The following DRG1 variants were observed in gnomAD, a reference collection of about 807,000 sequenced individuals.
DRG1 encodes developmentally regulated GTP binding protein 1.
A neutral mutation model predicts 38.8 loss-of-function variants in DRG1; 19 were observed. That is an observed-to-expected ratio of 0.49 (90% CI 0.34 to 0.72). The LOEUF (loss-of-function observed/expected upper bound fraction) is 0.72, where lower values mean the gene tolerates loss of function less well. Among genes scored for constraint, DRG1 ranks in the 30% least tolerant of loss-of-function variants. The probability of loss-of-function intolerance (pLI) is 0.01; values close to 1 mark genes in which losing one functional copy is unlikely to be tolerated. For synonymous variants in DRG1, 167 were observed against 157.5 expected (o/e 1.06, Z -0.45); for missense variants, 299 against 444.8 (o/e 0.67, Z 2.95).
chr22:31,418,554 C>T (rs1467581877), intron 4 of DRG1, among the ~76,000 whole-genome samples: 1 of 152,010 alleles, frequency 6.6e-6, no homozygotes, highest in East Asian at 1.9e-4. Context: ...CCCAGGCTGG[C>T]TGGAGTGCAG....
intron 3 of DRG1, among the ~76,000 whole-genome samples, chr22:31,410,261 C>T (rs929324138): frequency 6.6e-6 from 1 of 151,994 alleles, no homozygotes; most frequent in Non-Finnish European, 1.5e-5. Context: ...TTGAGACCAG[C>T]CTGGCCAATA....
intron 3 of DRG1, among the ~76,000 whole-genome samples, chr22:31,405,880 G>T (rs1364569326): frequency 1.3e-5 from 2 of 151,886 alleles, no homozygotes; most frequent in African/African-American, 4.8e-5. Flanking sequence ...TAGAGACGGG[G>T]TTTCACCATA....
rs1601526406 is a variant in DRG1 at position 31,409,044 on chromosome 22, G to A, written c.343-1968G>A. Among the ~76,000 whole-genome samples, 3 of 151,842 alleles carry A rather than the reference G, an allele frequency of 2.0e-5. No homozygotes were observed. The South Asian group carries it at 6.3e-4, about 32-fold the overall frequency. ...AGTTTTACCTTACTGCATTTCCTGG[G>A]CAGTTGAGCAGTCATTTTTATCTTT... is the stretch of plus-strand genomic sequence containing the variant. On this transcript the variant is annotated intron_variant, in intron 3 of 8. Transcript: ENST00000331457.
chr22:31,412,348 CTTTCTTTT>C (rs2050022612), intron 4 of DRG1, among the ~76,000 whole-genome samples: 1 of 144,620 alleles, frequency 6.9e-6, no homozygotes, highest in Non-Finnish European at 1.5e-5. Flanking sequence ...TATTTTCTTT[CTTTCTTTT>C]TTTTTTTTTT....
At chr22:31,414,316 A>C (rs2050033175) in intron 4 of DRG1, among the ~76,000 whole-genome samples, 1 of 151,970 alleles carries the variant, frequency 6.6e-6, no homozygotes. Context: ...TTGGATGTCT[A>C]ATTAGGTGTC....
At chr22:31,426,021 G>C (rs978286137) in intron 6 of DRG1, among the ~76,000 whole-genome samples, 6 of 152,098 alleles carry the variant, frequency 3.9e-5, no homozygotes, top group Non-Finnish European at 7.4e-5. Context: ...TGCTATATCA[G>C]TTTTACCAAT....
rs1330809603 is a variant in DRG1 at position 31,433,994 on chromosome 22, C to T, written c.*23C>T. The T allele has an allele frequency of 6.2e-7, 1 of 1,604,604 alleles. No individual in the cohort carries two copies. The highest frequency in any genetic ancestry group is 2.2e-5 in the East Asian group (1 of 44,802). On this transcript the variant is annotated 3_prime_UTR_variant, in exon 9 of 9. Coordinates refer to ENST00000331457, the MANE Select transcript of DRG1 (RefSeq NM_004147.4). ...TGAAACCTTTCCCTTTTCCCATCTGCCGGACGAACCACAACAGCGTTCCCC... is the reference window on the plus strand; with the variant it reads ...TGAAACCTTTCCCTTTTCCCATCTGTCGGACGAACCACAACAGCGTTCCCC...
At chr22:31,402,706 T>G (rs2049969986) in intron 2 of DRG1, among the ~76,000 whole-genome samples, 1 of 151,996 alleles carries the variant, frequency 6.6e-6, no homozygotes, top group Non-Finnish European at 1.5e-5. Flanking sequence ...GACAGGGTTT[T>G]GCCATGTTGC....
chr22:31,408,784 A>G (rs2145860803), intron 3 of DRG1, among the ~76,000 whole-genome samples: 1 of 148,110 alleles, frequency 6.8e-6, no homozygotes, highest in South Asian at 2.2e-4. Flanking sequence ...AAGATATTTT[A>G]AGTGATGTTT....
At chr22:31,414,482 T>G (rs1486037526) in intron 4 of DRG1, among the ~76,000 whole-genome samples, 1 of 152,146 alleles carries the variant, frequency 6.6e-6, no homozygotes, top group Non-Finnish European at 1.5e-5. Context: ...AAAAAATTCT[T>G]GATCTCCCAT....
intron 3 of DRG1, among the ~76,000 whole-genome samples, chr22:31,405,558 G>T (rs532255956): frequency 1.3e-5 from 2 of 152,008 alleles, no homozygotes; most frequent in East Asian, 3.9e-4. Context: ...TCTTTCAGAT[G>T]ATCTTTTTGA....
chr22:31,409,452 A>T (rs1454131961), intron 3 of DRG1, among the ~76,000 whole-genome samples: 1 of 152,108 alleles, frequency 6.6e-6, no homozygotes, highest in Non-Finnish European at 1.5e-5. Flanking sequence ...TGAAGTACAG[A>T]TCCCTATCTG....
chr22:31,400,750 GTTC>G lies in DRG1; in HGVS notation c.166+14_166+16del, dbSNP rs776085838. On this transcript the variant is annotated splice_region_variant and intron_variant, in intron 2 of 8. Coordinates refer to ENST00000331457, the MANE Select transcript of DRG1 (RefSeq NM_004147.4). ...GGTGGAGGTCCAGGAGAAGGTTTGT[GTTC>G]TTCTTCAATATATATATTTTTAGGT... 3.2e-5 allele frequency: 52 copies of G among 1,609,286 alleles called. No homozygotes were observed. Among genetic ancestry groups the G allele is most frequent in the African/African-American group, 4.0e-5 (3 of 74,702 alleles).
chr22:31,402,181 C>T (rs1431857010), intron 2 of DRG1, among the ~76,000 whole-genome samples: 3 of 151,938 alleles, frequency 2.0e-5, no homozygotes, highest in East Asian at 1.9e-4. Context: ...AAAAATAAGT[C>T]GAAGCCAAGC....
chr22:31,421,607 T>C (rs1048403886), intron 5 of DRG1, among the ~76,000 whole-genome samples: 1 of 152,042 alleles, frequency 6.6e-6, no homozygotes, highest in East Asian at 1.9e-4. Context: ...CTCATGCCTG[T>C]ACATCTATAA....
chr22:31,420,858 A>G (rs1376154374), intron 5 of DRG1, among the ~76,000 whole-genome samples: 1 of 152,226 alleles, frequency 6.6e-6, no homozygotes, highest in Non-Finnish European at 1.5e-5. Context: ...AATGTTAATG[A>G]GTAAAATATA....
intron 6 of DRG1, among the ~76,000 whole-genome samples, chr22:31,425,414 C>T (rs8141937): frequency 1.3e-5 from 2 of 151,290 alleles, no homozygotes; most frequent in Admixed American, 6.6e-5. Context: ...GAGTATGTAG[C>T]TGAATATCTG....
In DRG1 at chr22:31,399,739, C is replaced by A. The variant is rs890085172; in HGVS notation, c.42+14C>A. 8.7e-6 allele frequency: 14 copies of A among 1,613,868 alleles called. No individual in the cohort carries two copies. Among genetic ancestry groups the A allele is most frequent in the African/African-American group, 2.7e-5 (2 of 74,926 alleles). On this transcript the variant is annotated intron_variant, in intron 1 of 8. Coordinates refer to ENST00000331457, the MANE Select transcript of DRG1 (RefSeq NM_004147.4). ...ATAGAAGCAGAGGTAATGGACGCAG[C>A]TGGCGGTTCACTCTTAGTCTGAGCA...
intron 6 of DRG1, among the ~76,000 whole-genome samples, chr22:31,425,096 G>A (rs1388479391): frequency 6.6e-6 from 1 of 151,982 alleles, no homozygotes; most frequent in East Asian, 1.9e-4. Context: ...CTGCCTGCTG[G>A]CTTTGGTTTC....
Sources: allele counts gnomAD v4.1 joint callset (sites outside exome capture counted in the v4.1 genomes callset), GRCh38; gene constraint gnomAD v4.1.1; transcripts MANE v1.5; gene names NCBI Gene and HGNC (gene_info 2026-07-23, HGNC 2026-07-21).